LMF1: variants seen among roughly 807,000 people sequenced by gnomAD.
LMF1 encodes the protein transmembrane protein 112.
In LMF1, 68 loss-of-function variants were observed where a neutral mutation model predicts 60.6. That is an observed-to-expected ratio of 1.12 (90% CI 0.92 to 1.37). The LOEUF (loss-of-function observed/expected upper bound fraction) is 1.37. Ranked by LOEUF, LMF1 falls within the 40% of genes most tolerant of loss-of-function variation. The pLI, the probability that LMF1 is intolerant of heterozygous loss-of-function variation, is 0.00. For synonymous variants in LMF1, 418 were observed against 324.7 expected, an observed-to-expected ratio of 1.29 and a Z score of -3.09; for missense variants, 948 against 767.2, an observed-to-expected ratio of 1.24 and a Z score of -2.78.
chr16:900,081 C>T (rs1455866859), intron 4 of LMF1: 1 of 152,252 alleles, frequency 6.6e-6, no homozygotes. Context: ...CCCGGCACTC[C>T]CCCGCACCCT....
At chr16:903,699 A>G (rs1229758273) in intron 4 of LMF1, 1 of 119,334 alleles carries the variant, frequency 8.4e-6, no homozygotes, top group Non-Finnish European at 1.5e-5. Context: ...TGACCTCTGC[A>G]TCGCCCACAG....
intron 4 of LMF1, among the ~76,000 whole-genome samples, chr16:894,181 A>AG: frequency 1.6e-5 from 1 of 62,938 alleles, no homozygotes; most frequent in Non-Finnish European, 2.8e-5. Flanking sequence ...CCCCCTGTCC[A>AG]CTGGACTGTC....
chr16:875,145 G>A (rs946718603), intron 6 of LMF1, among the ~76,000 whole-genome samples: 1 of 152,126 alleles, frequency 6.6e-6, no homozygotes, highest in Non-Finnish European at 1.5e-5. Flanking sequence ...CTGGAAGGGA[G>A]GCGCTGCCTG....
chr16:895,459 C>T (rs1250320328), intron 4 of LMF1, among the ~76,000 whole-genome samples: 3 of 152,174 alleles, frequency 2.0e-5, no homozygotes, highest in African/African-American at 7.2e-5. Context: ...TCGGGGCGGC[C>T]GTGGGCCCCT....
intron 10 of LMF1, among the ~76,000 whole-genome samples, chr16:856,784 G>A (rs7185205): frequency 0.012 from 1,789 of 152,324 alleles, 41 homozygotes; most frequent in African/African-American, 0.04. Context: ...CCATGGCACC[G>A]CCCCGGAGGG....
chr16:954,080 C>G (rs112620157), intron 2 of LMF1, among the ~76,000 whole-genome samples: 1 of 134,476 alleles, frequency 7.4e-6, no homozygotes, highest in Non-Finnish European at 1.7e-5. Context: ...GCTTCTGCCT[C>G]CCTTTCCCCA....
At chr16:945,895 C>T (rs1223357781) in intron 2 of LMF1, among the ~76,000 whole-genome samples, 6 of 152,210 alleles carry the variant, frequency 3.9e-5, no homozygotes, top group African/African-American at 1.4e-4. Flanking sequence ...CAAGTCCCCG[C>T]AGGACCAGAA....
In LMF1 at chr16:878,747, G is replaced by A. The variant is rs868100592; in HGVS notation, c.897+823C>T. On this transcript the variant is annotated intron_variant, in intron 6 of 10. Transcript: ENST00000262301. This position sits in a 1 kb window ranked among gnomAD's most constrained non-coding sequence, Gnocchi z 5.2. Reference sequence around the variant, plus strand: ...GGGTGGGCAGGGCAGGGGAAGGGCGGGGGCAGGGGCGGGCAGGGCAGGGGA... The same window carrying A: ...GGGTGGGCAGGGCAGGGGAAGGGCGAGGGCAGGGGCGGGCAGGGCAGGGGA... Among the ~76,000 whole-genome samples the A allele has an allele frequency of 6.3e-5, 9 of 142,954 alleles. 1 individual carries two copies. The highest frequency in any genetic ancestry group is 2.2e-4 in the African/African-American group (8 of 36,226). The allele number at this position is 142,954 out of a possible 152,430, so 93.8% of individuals were successfully genotyped here.
In LMF1 at chr16:911,957, G is replaced by A. The variant is rs111344008; in HGVS notation, c.515-878C>T. On this transcript the variant is annotated intron_variant, in intron 3 of 10. Transcript: ENST00000262301. ...AAACCCAGCATAAGAATGCGGATGC[G>A]GGTCGCCATTCCAGTGCTATTCTCA... Among the ~76,000 whole-genome samples the A allele has an allele frequency of 8.0e-4, 122 of 152,260 alleles. 2 individuals are homozygous for A. The highest frequency in any genetic ancestry group is 3.4e-3 in the Middle Eastern group (1 of 294).
chr16:895,440 G>A (rs1410638907), intron 4 of LMF1, among the ~76,000 whole-genome samples: 1 of 152,214 alleles, frequency 6.6e-6, no homozygotes, highest in Non-Finnish European at 1.5e-5. Flanking sequence ...ACCACACACG[G>A]GAGGGCCTTC....
chr16:934,961 G>T (rs1321134123), intron 2 of LMF1, among the ~76,000 whole-genome samples: 1 of 152,212 alleles, frequency 6.6e-6, no homozygotes, highest in South Asian at 2.1e-4. Context: ...ACCAATGCCC[G>T]CATGAGGAGC....
chr16:959,228 TAATC>T (rs1276820210), intron 1 of LMF1, among the ~76,000 whole-genome samples: 1 of 152,130 alleles, frequency 6.6e-6, no homozygotes, highest in Non-Finnish European at 1.5e-5. Context: ...AACAGAAAAA[TAATC>T]AGAGATAAGA....
intron 5 of LMF1, among the ~76,000 whole-genome samples, chr16:880,267 G>A (rs999385794): frequency 6.6e-6 from 1 of 152,214 alleles, no homozygotes; most frequent in African/African-American, 2.4e-5. Flanking sequence ...AGACCTGGCT[G>A]TGGGGACCTG....
At chr16:976,574 G>A (rs1222605177) in intron 1 of LMF1, 1 of 454,072 alleles carries the variant, frequency 2.2e-6, no homozygotes, top group Non-Finnish European at 4.4e-6. Context: ...GGATGTTTTG[G>A]GGCTGCAGAA....
chr16:918,803 C>T (rs940848297), intron 3 of LMF1, among the ~76,000 whole-genome samples: 9 of 151,630 alleles, frequency 5.9e-5, no homozygotes, highest in Admixed American at 2.0e-4. Context: ...GCCGACGTCC[C>T]GGGGCGCACC....
At chr16:866,198 TAGG>T (rs1180898228) in intron 10 of LMF1, among the ~76,000 whole-genome samples, 1 of 152,244 alleles carries the variant, frequency 6.6e-6, no homozygotes, top group Non-Finnish European at 1.5e-5. Context: ...TTTTGTGTAT[TAGG>T]AGATTTTGGA....
upstream of LMF1, among the ~76,000 whole-genome samples, chr16:973,457 T>C (rs1596181116): frequency 6.6e-6 from 1 of 152,298 alleles, no homozygotes; most frequent in Admixed American, 6.5e-5. Flanking sequence ...GGTCATGAGT[T>C]GCGTGAGCCC....
chr16:899,024 T>C (rs1467463839), intron 4 of LMF1: 1 of 151,916 alleles, frequency 6.6e-6, no homozygotes, highest in African/African-American at 2.4e-5. Context: ...TGTAGCAGAG[T>C]TTTATTTTGC....
chr16:973,815 A>G (rs898296195), upstream of LMF1, among the ~76,000 whole-genome samples: 3 of 152,254 alleles, frequency 2.0e-5, no homozygotes, highest in African/African-American at 7.2e-5. Flanking sequence ...CCTGGCTAAC[A>G]CGGTGAAACC....
Sources: gnomAD v4.1 joint callset for allele counts (sites outside exome capture counted in the v4.1 genomes callset) on GRCh38, gnomAD v4.1.1 for gene constraint, Gnocchi (gnomAD v3.1) non-coding constraint, MANE v1.5 for transcripts, NCBI Gene and HGNC (gene_info 2026-07-23, HGNC 2026-07-21) for gene names.